PDE10A: variants seen among roughly 807,000 people sequenced by gnomAD.
The protein encoded by PDE10A is phosphodiesterase 10A.
A neutral mutation model predicts 97.7 loss-of-function variants in PDE10A; 39 were observed. That is an observed-to-expected ratio of 0.40 (90% CI 0.31 to 0.52). The LOEUF is 0.52. PDE10A is among the 20% of genes least tolerant of loss of function. The pLI is 0.56. For synonymous variants in PDE10A, 371 were observed against 376.8 expected, an observed-to-expected ratio of 0.98 and a Z score of 0.18; for missense variants, 731 against 1,047.8, an observed-to-expected ratio of 0.70 and a Z score of 4.17.
intron 1 of PDE10A, among the ~76,000 whole-genome samples, chr6:165,596,794 CAG>C (rs1355988767): frequency 6.6e-6 from 1 of 152,130 alleles, no homozygotes; most frequent in Non-Finnish European, 1.5e-5. Flanking sequence ...CTGTCTTACT[CAG>C]AGAGCAGACA....
chr6:165,971,486 C>T (rs1242619313), intron 1 of PDE10A, among the ~76,000 whole-genome samples: 1 of 152,192 alleles, frequency 6.6e-6, no homozygotes, highest in Non-Finnish European at 1.5e-5. Context: ...GCCCATCATC[C>T]ATTGCCACTT....
chr6:165,832,671 G>A (rs963925614), intron 1 of PDE10A, among the ~76,000 whole-genome samples: 1 of 152,202 alleles, frequency 6.6e-6, no homozygotes, highest in Non-Finnish European at 1.5e-5. Flanking sequence ...CGGTGTGGAT[G>A]AGCCCAGCTA....
At chr6:165,688,434 G>A (rs1320932670) in intron 1 of PDE10A, among the ~76,000 whole-genome samples, 4 of 152,164 alleles carry the variant, frequency 2.6e-5, no homozygotes, top group Admixed American at 6.5e-5. Flanking sequence ...TATAATTGAC[G>A]AAGCCTCAGG....
chr6:165,797,425 A>C (rs1778860027), intron 1 of PDE10A, among the ~76,000 whole-genome samples: 1 of 152,208 alleles, frequency 6.6e-6, no homozygotes, highest in Non-Finnish European at 1.5e-5. Flanking sequence ...TTTTCATAAT[A>C]AAAAGCTTTC....
chr6:165,720,031 T>C (rs1792126461), intron 1 of PDE10A, among the ~76,000 whole-genome samples: 1 of 152,224 alleles, frequency 6.6e-6, no homozygotes, highest in Non-Finnish European at 1.5e-5. Flanking sequence ...TGGTTCCCTG[T>C]TCCGTAACAG....
At chr6:165,472,906 T>C (rs1172213608) in intron 3 of PDE10A, among the ~76,000 whole-genome samples, 1 of 152,178 alleles carries the variant, frequency 6.6e-6, no homozygotes, top group East Asian at 1.9e-4. Context: ...TAACAGTAAT[T>C]TAGTTAAACC....
intron 1 of PDE10A, among the ~76,000 whole-genome samples, chr6:165,685,871 A>G (rs1407077375): frequency 6.6e-6 from 1 of 152,236 alleles, no homozygotes; most frequent in African/African-American, 2.4e-5. Flanking sequence ...ATAAAATTTA[A>G]AAGTAGAATT....
intron 1 of PDE10A, among the ~76,000 whole-genome samples, chr6:165,722,668 G>A (rs1168620960): frequency 2.6e-5 from 4 of 152,214 alleles, no homozygotes; most frequent in Admixed American, 2.6e-4. Context: ...CTGAAACCAT[G>A]GAAAGTGAAA....
At chr6:165,810,031 C>T (rs1779236800) in intron 1 of PDE10A, among the ~76,000 whole-genome samples, 1 of 152,146 alleles carries the variant, frequency 6.6e-6, no homozygotes, top group Non-Finnish European at 1.5e-5. Context: ...TCAGGAGGAT[C>T]CTCTCTCTGG....
At chr6:165,562,880 G>C (rs951221118) in intron 1 of PDE10A, among the ~76,000 whole-genome samples, 3 of 152,030 alleles carry the variant, frequency 2.0e-5, no homozygotes, top group Admixed American at 6.6e-5. Context: ...TAAGAGGAAG[G>C]GGGTACCAGT....
chr6:165,819,542 G>A lies in PDE10A; in HGVS notation c.-615+167987C>T, dbSNP rs1203125940. 1.3e-5 allele frequency among the ~76,000 whole-genome samples: 2 copies of A among 152,102 alleles called. No individual in the cohort carries two copies. The highest frequency in any genetic ancestry group is 2.9e-5 in the Non-Finnish European group (2 of 68,030). Reference sequence around the variant, plus strand: ...AGCCTCCTCCGACCTCCGAAGAGTGGTCATTGATTTGTCCTTCAGGCCTCA... The same window carrying A: ...AGCCTCCTCCGACCTCCGAAGAGTGATCATTGATTTGTCCTTCAGGCCTCA... On this transcript the variant is annotated intron_variant, in intron 1 of 19. Coordinates refer to the PDE10A transcript ENST00000366882. The surrounding 1 kb of genome is among the most constrained non-coding windows in gnomAD (Gnocchi z 4.2).
At chr6:165,979,086 G>A (rs567773992) in intron 1 of PDE10A, among the ~76,000 whole-genome samples, 4 of 152,288 alleles carry the variant, frequency 2.6e-5, no homozygotes, top group Admixed American at 1.3e-4. Context: ...GACATAAACC[G>A]GTTTATTACT....
At chr6:165,359,959 A>G (rs563319256) in intron 18 of PDE10A, among the ~76,000 whole-genome samples, 1 of 152,260 alleles carries the variant, frequency 6.6e-6, no homozygotes, top group African/African-American at 2.4e-5. Context: ...CTGGGTCATG[A>G]TGTCTCCCTT....
chr6:165,935,190 G>A (rs1783282953), intron 1 of PDE10A, among the ~76,000 whole-genome samples: 1 of 152,236 alleles, frequency 6.6e-6, no homozygotes, highest in Non-Finnish European at 1.5e-5. Context: ...GCAAGAGAGA[G>A]CTGTGGAAAA....
intron 1 of PDE10A, among the ~76,000 whole-genome samples, chr6:165,750,506 G>A (rs1792972945): frequency 6.6e-6 from 1 of 152,094 alleles, no homozygotes; most frequent in Admixed American, 6.5e-5. Context: ...TTGACACTAA[G>A]CCTGGACCTC....
intron 1 of PDE10A, among the ~76,000 whole-genome samples, chr6:165,883,480 C>T (rs1482789978): frequency 6.7e-6 from 1 of 149,828 alleles, no homozygotes; most frequent in Non-Finnish European, 1.5e-5. Context: ...TGGTGGGAGG[C>T]AGTGAGCTAA....
chr6:165,977,686 C>T (rs1416519534), intron 1 of PDE10A, among the ~76,000 whole-genome samples: 1 of 152,072 alleles, frequency 6.6e-6, no homozygotes, highest in Non-Finnish European at 1.5e-5. Context: ...TGATGAGTTC[C>T]AATGACTAAT....
At chr6:165,714,762 C>A (rs1163168168) in intron 1 of PDE10A, among the ~76,000 whole-genome samples, 2 of 152,202 alleles carry the variant, frequency 1.3e-5, no homozygotes, top group East Asian at 1.9e-4. Flanking sequence ...AGTGGATGCA[C>A]CCCCAGAGTC....
rs756553279 is a variant in PDE10A at position 165,614,845 on chromosome 6, T to TA, written c.865+47101_865+47102insT. Among the ~76,000 whole-genome samples the TA allele has an allele frequency of 3.7e-3, 559 of 149,350 alleles. 5 individuals are homozygous for TA. Among genetic ancestry groups the TA allele is most frequent in the African/African-American group, 0.013 (537 of 40,274 alleles). On this transcript the variant is annotated intron_variant, in intron 1 of 21. Coordinates refer to ENST00000539869, the MANE Select transcript of PDE10A (RefSeq NM_001385079.1). ...AATGCTGAGTGTAGGAGGCATTCAA[T>TA]TAAAAAAAAAAAAGAAAAAGTAATA...
Sources: allele counts gnomAD v4.1 joint callset (sites outside exome capture counted in the v4.1 genomes callset), GRCh38; gene constraint gnomAD v4.1.1; non-coding constraint Gnocchi (gnomAD v3.1); transcripts MANE v1.5; gene names NCBI Gene and HGNC (gene_info 2026-07-23, HGNC 2026-07-21).